The following GNAZ variants were observed in gnomAD, a reference collection of about 807,000 sequenced individuals.
GNAZ encodes the protein G protein subunit alpha z.
GNAZ carries 3 observed loss-of-function variants against 25.4 expected under a neutral mutation model. The ratio of observed to expected loss-of-function variants is 0.12; its 90% CI spans 0.05 to 0.30. The LOEUF is 0.30. Among genes scored for constraint, GNAZ ranks in the 10% least tolerant of loss-of-function variants. The pLI is 1.00. For synonymous variants in GNAZ, 211 were observed against 205.7 expected, an observed-to-expected ratio of 1.03 and a Z score of -0.22; for missense variants, 241 against 501.8, an observed-to-expected ratio of 0.48 and a Z score of 4.97.
At chr22:23,088,041 T>G (rs1371136353) in intron 1 of GNAZ, among the ~76,000 whole-genome samples, 2 of 152,216 alleles carry the variant, frequency 1.3e-5, no homozygotes, top group Non-Finnish European at 2.9e-5. Flanking sequence ...ACTAAGTTTC[T>G]CTCCAAGTTA....
At position 23,094,130 on chromosome 22, in the gene GNAZ, T is replaced by A. The variant is rs141306430; in HGVS notation, c.-449-1117T>A. 6.3e-4 allele frequency among the ~76,000 whole-genome samples: 95 copies of A among 151,826 alleles called. 1 individual carries two copies. Among genetic ancestry groups the A allele is most frequent in the Middle Eastern group, 6.8e-3 (2 of 294 alleles). On this transcript the variant is annotated intron_variant, in intron 1 of 2. Coordinates refer to ENST00000615612, the MANE Select transcript of GNAZ (RefSeq NM_002073.4). ...TCCCACCCCAGGGCCTGTCACAGAG[T>A]TGATGGGTGGTATTAAAGGGGCGAA...
chr22:23,078,497 C>T (rs982921525), intron 1 of GNAZ, among the ~76,000 whole-genome samples: 57 of 152,348 alleles, frequency 3.7e-4, no homozygotes, highest in Admixed American at 2.9e-3. Context: ...CCATCTCTGT[C>T]GTGGCTCCTG....
intron 2 of GNAZ, among the ~76,000 whole-genome samples, chr22:23,116,685 T>C (rs989208215): frequency 2.0e-5 from 3 of 152,158 alleles, no homozygotes; most frequent in Non-Finnish European, 4.4e-5. Context: ...TGTGAGGCCC[T>C]GGATGAGCCT....
At chr22:23,116,730 C>A (rs2069847880) in intron 2 of GNAZ, among the ~76,000 whole-genome samples, 2 of 152,234 alleles carry the variant, frequency 1.3e-5, no homozygotes, top group Non-Finnish European at 2.9e-5. Flanking sequence ...GCGCTTGTCC[C>A]ACACAGCTGC....
chr22:23,120,693 T>G (rs2146395441), intron 2 of GNAZ, among the ~76,000 whole-genome samples: 1 of 152,090 alleles, frequency 6.6e-6, no homozygotes, highest in Non-Finnish European at 1.5e-5. Flanking sequence ...GTCCATACCC[T>G]GCTGGTGGCC....
At chr22:23,096,567 A>G (rs556561840) in intron 2 of GNAZ, 149 bp downstream of exon 2, 2 of 815,952 alleles carry the variant, frequency 2.5e-6, no homozygotes, top group East Asian at 4.9e-5. Context: ...AGGCAGCTCC[A>G]GCAAGGTGGG....
chr22:23,082,124 C>CA (rs1312552241), intron 1 of GNAZ, among the ~76,000 whole-genome samples: 27 of 65,246 alleles, frequency 4.1e-4, no homozygotes, highest in East Asian at 1.4e-3. Context: ...GACTCCGCCT[C>CA]AAAAAAAAAA....
At chr22:23,102,587 C>T (rs925763571) in intron 2 of GNAZ, among the ~76,000 whole-genome samples, 1 of 152,232 alleles carries the variant, frequency 6.6e-6, no homozygotes, top group South Asian at 2.1e-4. Context: ...TGGGCTCAAG[C>T]CCTGCTGCTT....
chr22:23,087,395 T>C (rs116044602), intron 1 of GNAZ, among the ~76,000 whole-genome samples: 3,946 of 151,724 alleles, frequency 0.026, 175 homozygotes, highest in African/African-American at 0.091. Context: ...GCCCGGGGGG[T>C]TGAGGCTGCA....
At chr22:23,102,231 G>A (rs1415005201) in intron 2 of GNAZ, among the ~76,000 whole-genome samples, 1 of 152,236 alleles carries the variant, frequency 6.6e-6, no homozygotes, top group African/African-American at 2.4e-5. Context: ...GTGAATGATG[G>A]GTATCTGCTC....
At chr22:23,079,362 A>T (rs1351528990) in intron 1 of GNAZ, among the ~76,000 whole-genome samples, 1 of 152,204 alleles carries the variant, frequency 6.6e-6, no homozygotes, top group African/African-American at 2.4e-5. Context: ...TTCTGGACAA[A>T]GAGTTTTCCA....
intron 1 of GNAZ, among the ~76,000 whole-genome samples, chr22:23,074,979 G>A (rs369636434): frequency 1.3e-5 from 2 of 152,196 alleles, no homozygotes; most frequent in African/African-American, 4.8e-5. Context: ...ACCAGCCTGA[G>A]CAACATGTAA....
chr22:23,111,716 C>T (rs1569182135), intron 2 of GNAZ, among the ~76,000 whole-genome samples: 1 of 152,220 alleles, frequency 6.6e-6, no homozygotes, highest in African/African-American at 2.4e-5. Context: ...CACAAGACAG[C>T]CAGTACCTCC....
At chr22:23,113,471 A>G (rs1013627603) in intron 2 of GNAZ, among the ~76,000 whole-genome samples, 1 of 152,220 alleles carries the variant, frequency 6.6e-6, no homozygotes, top group Non-Finnish European at 1.5e-5. Context: ...TTGCACCTAC[A>G]AGCTTCCCCA....
At chr22:23,094,238 G>A (rs1052375896) in intron 1 of GNAZ, among the ~76,000 whole-genome samples, 3 of 152,140 alleles carry the variant, frequency 2.0e-5, no homozygotes, top group African/African-American at 7.2e-5. Context: ...GGGTGCGTGT[G>A]AGTTGGGTGG....
At chr22:23,085,884 T>G (rs1425596490) in intron 1 of GNAZ, among the ~76,000 whole-genome samples, 1 of 152,222 alleles carries the variant, frequency 6.6e-6, no homozygotes, top group Non-Finnish European at 1.5e-5. Context: ...TTTTTGTTTC[T>G]CTCTCAATCC....
intron 2 of GNAZ, among the ~76,000 whole-genome samples, chr22:23,110,851 C>T (rs967896704): frequency 2.6e-5 from 4 of 152,344 alleles, no homozygotes; most frequent in Middle Eastern, 3.4e-3. Flanking sequence ...CAAGGGCCCA[C>T]CACACTCTGA....
At chr22:23,082,985 G>T (rs2068723302) in intron 1 of GNAZ, among the ~76,000 whole-genome samples, 1 of 152,122 alleles carries the variant, frequency 6.6e-6, no homozygotes, top group Non-Finnish European at 1.5e-5. Context: ...GCGTGAGCTG[G>T]CTGGGATGGG....
At chr22:23,092,920 G>A (rs2069025719) in intron 1 of GNAZ, among the ~76,000 whole-genome samples, 1 of 152,242 alleles carries the variant, frequency 6.6e-6, no homozygotes, top group African/African-American at 2.4e-5. Context: ...ACTGCCTTCT[G>A]AAAGGAGCAT....
Sources: gnomAD v4.1 joint callset for allele counts (sites outside exome capture counted in the v4.1 genomes callset) on GRCh38, gnomAD v4.1.1 for gene constraint, MANE v1.5 for transcripts, NCBI Gene and HGNC (gene_info 2026-07-23, HGNC 2026-07-21) for gene names.